VEGFA: variants seen among roughly 807,000 people sequenced by gnomAD.
The protein encoded by VEGFA is vascular endothelial growth factor A, long form.
In VEGFA, 20 loss-of-function variants were observed where a neutral mutation model predicts 49.7. The ratio of observed to expected loss-of-function variants is 0.40; its 90% CI spans 0.28 to 0.58. The LOEUF (loss-of-function observed/expected upper bound fraction) is 0.58. Among genes scored for constraint, VEGFA ranks in the 20% least tolerant of loss-of-function variants. The probability of loss-of-function intolerance (pLI) is 0.40; values close to 1 mark genes in which losing one functional copy is unlikely to be tolerated. For synonymous variants in VEGFA, 219 were observed against 223.4 expected, an observed-to-expected ratio of 0.98 and a Z score of 0.18; for missense variants, 505 against 553.5, an observed-to-expected ratio of 0.91 and a Z score of 0.88.
rs747966855 is a variant in VEGFA at position 43,770,846 on chromosome 6, C to T, written c.140C>T (p.Ala47Val). The T allele has an allele frequency of 6.5e-6, 10 of 1,532,900 alleles. No individual in the cohort carries two copies. The highest frequency in any genetic ancestry group is 2.4e-5 in the South Asian group (2 of 81,900). 95.0% of individuals were successfully genotyped at this position (1,532,900 alleles called of 1,614,324 possible). A position where few individuals can be genotyped will look rare whatever the true frequency, so the allele number is the denominator to read the frequency against. ...GGAGGCGGGGTGGAGGGGGTCGGGG[C>T]TCGCGGCGTCGCACTGAAACTTTTC... The change falls in exon 1 of 8, where the codon GCT (alanine) becomes GTT (valine). Residue 47 changes from alanine to valine, a missense_variant. By Grantham distance (64) the Ala-to-Val change is moderately conservative. Coordinates refer to ENST00000672860, the MANE Select transcript of VEGFA (RefSeq NM_003376.6).
At chr6:43,781,011 G>T in intron 6 of VEGFA, 1 of 1,244,396 alleles carries the variant, frequency 8.0e-7, no homozygotes, top group South Asian at 1.3e-5. Flanking sequence ...TCCAGGGTTG[G>T]GGTGAATGGG....
rs767672556 is a variant in VEGFA, at chr6:43,784,617, A to G, written c.*55A>G. The G allele has an allele frequency of 6.2e-7, 1 of 1,614,092 alleles. No individual in the cohort carries two copies. The highest frequency in any genetic ancestry group is 1.3e-5 in the African/African-American group (1 of 74,944). ...GGTTTCGGGAACCAGATCTCTCACCAGGAAAGACTGATACAGAACGATCGA... is the reference window on the plus strand; with the variant it reads ...GGTTTCGGGAACCAGATCTCTCACCGGGAAAGACTGATACAGAACGATCGA... On this transcript the variant is annotated 3_prime_UTR_variant, in exon 8 of 8. Transcript: ENST00000672860.
At position 43,777,545 on chromosome 6, in the gene VEGFA, C is replaced by T. The variant is rs370898717; in HGVS notation, c.735C>T (p.Tyr245=). 18 of 1,614,184 alleles carry T rather than the reference C, an allele frequency of 1.1e-5. No individual in the cohort carries two copies. Among genetic ancestry groups the T allele is most frequent in the Non-Finnish European group, 1.4e-5 (17 of 1,180,040 alleles). The change falls in exon 3 of 8, where the codon TAC becomes TAT. Residue 245 remains tyrosine, a synonymous_variant. Coordinates refer to ENST00000672860, the MANE Select transcript of VEGFA (RefSeq NM_003376.6). This position sits in a 1 kb window ranked among gnomAD's most constrained non-coding sequence, Gnocchi z 4.3. Reference sequence around the variant, plus strand: ...CCCTGGTGGACATCTTCCAGGAGTACCCTGATGAGATCGAGTACATCTTCA... The same window carrying T: ...CCCTGGTGGACATCTTCCAGGAGTATCCTGATGAGATCGAGTACATCTTCA...
chr6:43,778,758 A>G (rs1766313853), intron 4 of VEGFA, 131 bp from the exon 5 acceptor site: 3 of 1,103,114 alleles, frequency 2.7e-6, no homozygotes, highest in Non-Finnish European at 4.1e-6. Flanking sequence ...ATATATGAAA[A>G]GATTAAAACA....
chr6:43,774,181 C>A, intron 1 of VEGFA, 160 bp from the exon 2 acceptor site: 1 of 734,774 alleles, frequency 1.4e-6, no homozygotes, highest in South Asian at 1.5e-5. Context: ...TATTCTGTGC[C>A]CGTGGGGACC....
At position 43,784,853 on chromosome 6, in the gene VEGFA, G is replaced by A. The variant is rs890715188; in HGVS notation, c.*291G>A. The A allele has an allele frequency of 6.8e-6, 4 of 584,658 alleles. No homozygotes were observed. Among genetic ancestry groups the A allele is most frequent in the South Asian group, 2.0e-5 (1 of 49,814 alleles). The allele number at this position is 584,658 out of a possible 1,614,324, so 36.2% of individuals were successfully genotyped here. A position where few individuals can be genotyped will look rare whatever the true frequency, so the allele number is the denominator to read the frequency against. ...TTATTTTTCTTGCTGCTAAATCACC[G>A]AGCCCGGAAGATTAGAGAGTTTTAT... is the stretch of plus-strand genomic sequence containing the variant. On this transcript the variant is annotated 3_prime_UTR_variant, in exon 8 of 8. Coordinates refer to ENST00000672860, the MANE Select transcript of VEGFA (RefSeq NM_003376.6).
At chr6:43,781,594 A>T in intron 6 of VEGFA, 1 of 350,114 alleles carries the variant, frequency 2.9e-6, no homozygotes, top group South Asian at 2.3e-5. Flanking sequence ...CCTGATTGCC[A>T]TCCCCAGCAG....
chr6:43,778,931 G>C lies in VEGFA; in HGVS notation c.962+13G>C, dbSNP rs2128035811. ...CAAGACAAGAAAAGTAAGTGGCCCT[G>C]ACTTTAGCACTTCTCCCTCTCCATG... On this transcript the variant is annotated intron_variant, in intron 5 of 7. Coordinates refer to ENST00000672860, the MANE Select transcript of VEGFA (RefSeq NM_003376.6). 1 of 1,614,194 alleles carries C rather than the reference G, an allele frequency of 6.2e-7. No individual in the cohort carries two copies. The highest frequency in any genetic ancestry group is 8.5e-7 in the Non-Finnish European group (1 of 1,180,034).
In VEGFA at chr6:43,777,729, G is replaced by C; in HGVS notation, c.855+64G>C. On this transcript the variant is annotated intron_variant, in intron 3 of 7. Transcript: ENST00000672860. This position sits in a 1 kb window ranked among gnomAD's most constrained non-coding sequence, Gnocchi z 4.3. ...GAGGGGGGTAACACTTTGGGAACAG[G>C]TGGTCCCAGGTCGTTTCCTGGCTAG... is the stretch of plus-strand genomic sequence containing the variant. 6.7e-7 allele frequency: 1 copy of C among 1,486,508 alleles called. No homozygotes were observed. Among genetic ancestry groups the C allele is most frequent in the Non-Finnish European group, 9.1e-7 (1 of 1,099,052 alleles). The allele number at this position is 1,486,508 out of a possible 1,614,324, so 92.1% of individuals were successfully genotyped here. A position where few individuals can be genotyped will look rare whatever the true frequency, so the allele number is the denominator to read the frequency against.
rs1478270034 is a variant in VEGFA at position 43,785,045 on chromosome 6, C to T, written c.*483C>T. Reference sequence around the variant, plus strand: ...TGGTGTCTTCACTGGATGTATTTGACTGCTGTGGACTTGAGTTGGGAGGGG... The same window carrying T: ...TGGTGTCTTCACTGGATGTATTTGATTGCTGTGGACTTGAGTTGGGAGGGG... On this transcript the variant is annotated 3_prime_UTR_variant, in exon 8 of 8. Transcript: ENST00000672860. 5.3e-6 allele frequency: 1 copy of T among 187,150 alleles called. No individual in the cohort carries two copies. Among genetic ancestry groups the T allele is most frequent in the African/African-American group, 2.4e-5 (1 of 42,444 alleles). The allele number at this position is 187,150 out of a possible 1,614,324, so 11.6% of individuals were successfully genotyped here.
At chr6:43,779,395 A>C (rs1185804597) in intron 5 of VEGFA, 1 of 338,278 alleles carries the variant, frequency 3.0e-6, no homozygotes, top group African/African-American at 2.1e-5. Context: ...TGTAGGCGGC[A>C]GGCGGCAGAC....
At chr6:43,781,211 C>T (rs1767590704) in intron 6 of VEGFA, 15 of 402,142 alleles carry the variant, frequency 3.7e-5, no homozygotes, top group South Asian at 3.3e-4. Context: ...CAGACATGGC[C>T]CAAGAAGGGC....
At position 43,779,638 on chromosome 6, in the gene VEGFA, G is replaced by A. The variant is rs1766681415; in HGVS notation, c.962+720G>A. The stretch of plus-strand genomic sequence containing the variant: ...CCACACCATCTTGTCTGCCTCCAGT[G>A]CTGTGCGGACATTGAAGCCCCCACC... On this transcript the variant is annotated intron_variant, in intron 5 of 7. Coordinates refer to ENST00000672860, the MANE Select transcript of VEGFA (RefSeq NM_003376.6). The A allele has an allele frequency of 8.7e-6, 4 of 460,318 alleles. No individual in the cohort carries two copies. In the Admixed American group the frequency reaches 9.3e-5, roughly 11 times the overall value. The allele number at this position is 460,318 out of a possible 1,614,324, so 28.5% of individuals were successfully genotyped here. A position where few individuals can be genotyped will look rare whatever the true frequency, so the allele number is the denominator to read the frequency against.
rs1582462158 is a variant in VEGFA, at chr6:43,771,168, C to G, written c.462C>G (p.Ala154=). The change falls in exon 1 of 8, where the codon GCC becomes GCG. Residue 154 remains alanine (A), a synonymous_variant. Transcript: ENST00000672860. ...GAGGAAGAGTAGCTCGCCGAGGCGC[C>G]GAGGAGAGCGGGCCGCCCCACAGCC... The G allele has an allele frequency of 5.1e-6, 8 of 1,570,612 alleles. No individual in the cohort carries two copies. Among genetic ancestry groups the G allele is most frequent in the Non-Finnish European group, 5.2e-6 (6 of 1,162,518 alleles).
rs1362024511 is a variant in VEGFA, at chr6:43,770,811, G to GC, written c.108dup (p.Ala37ArgfsTer48). Reference sequence around the variant, plus strand: ...CGGCGAGCCGCGGGCAGGGGCCGGAGCCCGCGCCCGGAGGCGGGGTGGAGG... The same window carrying GC: ...CGGCGAGCCGCGGGCAGGGGCCGGAGCCCCGCGCCCGGAGGCGGGGTGGAGG... On this transcript the variant is annotated frameshift_variant, in exon 1 of 8. Coordinates refer to ENST00000672860, the MANE Select transcript of VEGFA (RefSeq NM_003376.6). LOFTEE classifies it high-confidence loss of function. 6.6e-6 allele frequency: 10 copies of GC among 1,512,444 alleles called. No homozygotes were observed. The highest frequency in any genetic ancestry group is 1.5e-5 in the African/African-American group (1 of 68,870). 93.7% of individuals were successfully genotyped at this position (1,512,444 alleles called of 1,614,324 possible).
Position 43,777,128 on chromosome 6 carries a change from T to TG in VEGFA, c.659-337dup, listed in dbSNP as rs1765688180. 5 of 396,330 alleles carry TG rather than the reference T, an allele frequency of 1.3e-5. 1 individual carries two copies. In the East Asian group the frequency reaches 2.9e-4, roughly 23 times the overall value. The allele number at this position is 396,330 out of a possible 1,614,324, so 24.6% of individuals were successfully genotyped here. ...TTAGGGAAAGCTTAGAGCATCCCCA[T>TG]GGGGTATACCCATACTCAGACTGTC... On this transcript the variant is annotated intron_variant, in intron 2 of 7. Transcript: ENST00000672860. This position sits in a 1 kb window ranked among gnomAD's most constrained non-coding sequence, Gnocchi z 4.3.
In VEGFA at chr6:43,777,433, G is replaced by A. The variant is rs1197677062; in HGVS notation, c.659-36G>A. 18 of 1,611,586 alleles carry A rather than the reference G, an allele frequency of 1.1e-5. No homozygotes were observed. Among genetic ancestry groups the A allele is most frequent in the East Asian group, 4.5e-5 (2 of 44,886 alleles). ...AGAGGGGCTAGCCATCTTTTGTGTC[G>A]CCCACCGGGCTCATGTGTCATCGCC... On this transcript the variant is annotated intron_variant, in intron 2 of 7. Coordinates refer to ENST00000672860, the MANE Select transcript of VEGFA (RefSeq NM_003376.6). The surrounding 1 kb of genome is among the most constrained non-coding windows in gnomAD (Gnocchi z 4.3).
intron 6 of VEGFA, 104 bp from the exon 7 acceptor site, chr6:43,781,852 G>A (rs1456621343): frequency 2.0e-6 from 3 of 1,474,638 alleles, no homozygotes; most frequent in East Asian, 2.4e-5. Context: ...CCGGCTGGGT[G>A]GGGGTGCAGC....
chr6:43,773,278 G>A lies in VEGFA; in HGVS notation c.607-1063G>A, dbSNP rs1764200535. ...GGACAGTGGGACTCTCCCCTAGCAGGGTCTGGTGTTCCGTAGGCTAGAGTG... is the reference window on the plus strand; with the variant it reads ...GGACAGTGGGACTCTCCCCTAGCAGAGTCTGGTGTTCCGTAGGCTAGAGTG... On this transcript the variant is annotated intron_variant, in intron 1 of 7. Coordinates refer to ENST00000672860, the MANE Select transcript of VEGFA (RefSeq NM_003376.6). The surrounding 1 kb of genome is among the most constrained non-coding windows in gnomAD (Gnocchi z 5.6). 1 of 152,384 alleles carries A rather than the reference G, an allele frequency of 6.6e-6. No individual in the cohort carries two copies. Among genetic ancestry groups the A allele is most frequent in the African/African-American group, 2.4e-5 (1 of 41,450 alleles). The allele number at this position is 152,384 out of a possible 1,614,324, so 9.4% of individuals were successfully genotyped here.
Sources: allele counts gnomAD v4.1 joint callset, GRCh38; gene constraint gnomAD v4.1.1; non-coding constraint Gnocchi (gnomAD v3.1); transcripts MANE v1.5; gene names NCBI Gene and HGNC (gene_info 2026-07-23, HGNC 2026-07-21).